The following MRPS28 variants were observed in gnomAD, a reference collection of about 807,000 sequenced individuals.
The protein encoded by MRPS28 is small ribosomal subunit protein bS1m.
In MRPS28, 7 loss-of-function variants were observed where a neutral mutation model predicts 10.8. The ratio of observed to expected loss-of-function variants is 0.65; its 90% CI spans 0.37 to 1.22. MRPS28 has a LOEUF of 1.22. Among genes scored for constraint, MRPS28 ranks in the 50% most tolerant of loss-of-function variants. MRPS28 has a pLI of 0.02. For missense variants in MRPS28, 265 were observed against 232.9 expected, an observed-to-expected ratio of 1.14 and a Z score of -0.90; for synonymous variants, 121 against 93.3, an observed-to-expected ratio of 1.30 and a Z score of -1.71.
intron 2 of MRPS28, among the ~76,000 whole-genome samples, chr8:79,942,106 G>A (rs1194296679): frequency 1.3e-5 from 2 of 152,086 alleles, no homozygotes; most frequent in Admixed American, 6.6e-5. Flanking sequence ...TTACTGAGGG[G>A]ACAAGACAAC....
chr8:80,002,543 T>C (rs1293107096), intron 2 of MRPS28, among the ~76,000 whole-genome samples: 3 of 152,176 alleles, frequency 2.0e-5, no homozygotes, highest in Admixed American at 6.5e-5. Context: ...TTTATATTCA[T>C]AAATATCTTT....
At chr8:79,976,564 G>T (rs1807806777) in intron 2 of MRPS28, among the ~76,000 whole-genome samples, 1 of 151,934 alleles carries the variant, frequency 6.6e-6, no homozygotes, top group Non-Finnish European at 1.5e-5. Flanking sequence ...AAATTAGCTG[G>T]GCATGGTGTC....
At chr8:79,997,130 T>G (rs751073465) in intron 2 of MRPS28, among the ~76,000 whole-genome samples, 1 of 152,136 alleles carries the variant, frequency 6.6e-6, no homozygotes, top group Non-Finnish European at 1.5e-5. Flanking sequence ...AACAATCAAG[T>G]CTGTGAAATT....
chr8:80,025,894 C>G (rs1809482788), intron 1 of MRPS28, among the ~76,000 whole-genome samples: 1 of 152,168 alleles, frequency 6.6e-6, no homozygotes. Flanking sequence ...AAACAGTATT[C>G]ATACTACGAA....
rs369990113 is a variant in MRPS28, at chr8:79,922,440, C to T, written c.396-3292G>A. Among the ~76,000 whole-genome samples, 7 of 152,108 alleles carry T rather than the reference C, an allele frequency of 4.6e-5. 1 individual carries two copies. Among genetic ancestry groups the T allele is most frequent in the Admixed American group, 6.6e-5 (1 of 15,262 alleles). On this transcript the variant is annotated intron_variant, in intron 2 of 2. Transcript: ENST00000276585. Reference sequence around the variant, plus strand: ...GATGATGACAATAATATGTTGTAGACCTGGAAATTGCTAAGTGAGTATATT... The same window carrying T: ...GATGATGACAATAATATGTTGTAGATCTGGAAATTGCTAAGTGAGTATATT...
chr8:79,983,904 G>A (rs6981324), intron 2 of MRPS28, among the ~76,000 whole-genome samples: 29,886 of 152,058 alleles, frequency 0.2, 3,672 homozygotes, highest in South Asian at 0.31. Flanking sequence ...CCAACATTCA[G>A]ATTCAGGAAA....
At chr8:79,950,305 A>G (rs1299905129) in intron 2 of MRPS28, among the ~76,000 whole-genome samples, 3 of 152,266 alleles carry the variant, frequency 2.0e-5, no homozygotes, top group East Asian at 3.9e-4. Flanking sequence ...TGCATTCTCT[A>G]GCAGCCTTTC....
intron 2 of MRPS28, among the ~76,000 whole-genome samples, chr8:79,946,699 A>G (rs1806929267): frequency 6.6e-6 from 1 of 152,190 alleles, no homozygotes; most frequent in Non-Finnish European, 1.5e-5. Flanking sequence ...TAAATTTTCT[A>G]AAGTAATTTC....
chr8:79,994,695 C>T (rs2130132444), intron 2 of MRPS28, among the ~76,000 whole-genome samples: 1 of 152,286 alleles, frequency 6.6e-6, no homozygotes, highest in South Asian at 2.1e-4. Context: ...AGAATGATCT[C>T]ACTGAAACAC....
Position 80,029,846 on chromosome 8 carries a change from G to A in MRPS28, c.213+190C>T, listed in dbSNP as rs1420505813. ...CGCAAATGCCACACAAAAGGACAAC[G>A]AAAGGAAGAAAAACACCAAGCACAG... On this transcript the variant is annotated intron_variant, in intron 1 of 2. Transcript: ENST00000276585. 6 of 1,534,678 alleles carry A rather than the reference G, an allele frequency of 3.9e-6. No homozygotes were observed. The South Asian group carries it at 7.2e-5, about 18-fold the overall frequency.
At chr8:79,949,997 A>G (rs1008899280) in intron 2 of MRPS28, among the ~76,000 whole-genome samples, 19 of 152,172 alleles carry the variant, frequency 1.2e-4, no homozygotes, top group African/African-American at 3.9e-4. Flanking sequence ...AAAAATCACT[A>G]AGCTATATTT....
intron 2 of MRPS28, among the ~76,000 whole-genome samples, chr8:79,948,591 GTTAATT>G (rs1435467425): frequency 6.6e-6 from 1 of 152,122 alleles, no homozygotes; most frequent in Non-Finnish European, 1.5e-5. Context: ...TGAGTTTGAT[GTTAATT>G]TTAAGTTTTT....
At chr8:79,960,814 C>T (rs567315681) in intron 2 of MRPS28, among the ~76,000 whole-genome samples, 6 of 152,148 alleles carry the variant, frequency 3.9e-5, no homozygotes, top group African/African-American at 1.4e-4. Flanking sequence ...TTTTGAAATT[C>T]CCAGAGCCGC....
At chr8:80,002,919 C>A (rs983169532) in intron 2 of MRPS28, 80 bp downstream of exon 2, 1 of 1,178,092 alleles carries the variant, frequency 8.5e-7, no homozygotes, top group Non-Finnish European at 1.2e-6. Context: ...TTCAAAAAAT[C>A]ACCTTTCATT....
chr8:79,927,415 A>G (rs1810257609), intron 2 of MRPS28, among the ~76,000 whole-genome samples: 2 of 152,224 alleles, frequency 1.3e-5, no homozygotes, highest in African/African-American at 4.8e-5. Flanking sequence ...CTTCCATGGT[A>G]AAACCTCTGT....
intron 1 of MRPS28, 160 bp downstream of exon 1, chr8:80,029,876 T>C (rs1295727335): frequency 1.2e-5 from 18 of 1,536,042 alleles, no homozygotes; most frequent in Middle Eastern, 1.7e-4. Context: ...GCACAGATTC[T>C]AGGGGCCGAG....
intron 1 of MRPS28, among the ~76,000 whole-genome samples, chr8:80,029,309 C>A (rs1376451286): frequency 6.6e-6 from 1 of 152,172 alleles, no homozygotes; most frequent in Non-Finnish European, 1.5e-5. Flanking sequence ...CTGTTTGGTA[C>A]TACTCCCTAG....
At chr8:79,958,614 T>C (rs967457864) in intron 2 of MRPS28, among the ~76,000 whole-genome samples, 1 of 152,186 alleles carries the variant, frequency 6.6e-6, no homozygotes, top group African/African-American at 2.4e-5. Flanking sequence ...TCCTGAGCCT[T>C]TGCTGATAGG....
In MRPS28 at chr8:79,943,797, C is replaced by T. The variant is rs540343234; in HGVS notation, c.396-24649G>A. Among the ~76,000 whole-genome samples, 250 of 152,182 alleles carry T rather than the reference C, an allele frequency of 1.6e-3. 1 individual carries two copies. Among genetic ancestry groups the T allele is most frequent in the Middle Eastern group, 0.01 (3 of 294 alleles). On this transcript the variant is annotated intron_variant, in intron 2 of 2. Transcript: ENST00000276585. ...ATAAGCAGAATTGATGTTAATATTT[C>T]TCTTTTAGGAAATGTTTTTACATTA...
Sources: allele counts gnomAD v4.1 joint callset (sites outside exome capture counted in the v4.1 genomes callset), GRCh38; gene constraint gnomAD v4.1.1; transcripts MANE v1.5; gene names NCBI Gene and HGNC (gene_info 2026-07-23, HGNC 2026-07-21).